The following HS2ST1 variants were observed in gnomAD, a reference collection of about 807,000 sequenced individuals.
HS2ST1 encodes the protein heparan sulfate 2-O-sulfotransferase 1.
HS2ST1 carries 18 observed loss-of-function variants against 42.9 expected under a neutral mutation model. The observed-to-expected ratio is 0.42, with a 90% CI of 0.29 to 0.62. HS2ST1 has a LOEUF of 0.62. Among genes scored for constraint, HS2ST1 ranks in the 20% least tolerant of loss-of-function variants. The pLI is 0.21. For missense variants in HS2ST1, 334 were observed against 433.8 expected (o/e 0.77, Z 2.04); for synonymous variants, 146 against 152.9 (o/e 0.95, Z 0.33).
At chr1:87,019,694 A>G (rs1262698401) in intron 1 of HS2ST1, among the ~76,000 whole-genome samples, 2 of 152,234 alleles carry the variant, frequency 1.3e-5, no homozygotes, top group African/African-American at 4.8e-5. Context: ...CTGTTCAAGT[A>G]CAATAGTGTT....
intron 1 of HS2ST1, among the ~76,000 whole-genome samples, chr1:87,049,973 T>G (rs1650792608): frequency 6.6e-6 from 1 of 152,064 alleles, no homozygotes; most frequent in Non-Finnish European, 1.5e-5. Context: ...TTTTGATAAA[T>G]TGACCCCTTT....
At chr1:87,008,705 TTGAC>T (rs756797167) in intron 1 of HS2ST1, among the ~76,000 whole-genome samples, 1 of 152,220 alleles carries the variant, frequency 6.6e-6, no homozygotes, top group Non-Finnish European at 1.5e-5. Flanking sequence ...CTGTTTGTGT[TTGAC>T]TGGCTCAAGA....
At chr1:87,036,465 G>A (rs1004588970) in intron 1 of HS2ST1, among the ~76,000 whole-genome samples, 1 of 152,116 alleles carries the variant, frequency 6.6e-6, no homozygotes, top group Non-Finnish European at 1.5e-5. Flanking sequence ...TTTGAGATGG[G>A]CTTTGAAGGA....
intron 1 of HS2ST1, among the ~76,000 whole-genome samples, chr1:86,965,333 C>CT: frequency 6.6e-6 from 1 of 152,192 alleles, no homozygotes; most frequent in South Asian, 2.1e-4. Flanking sequence ...TCCCAAAATT[C>CT]TTGAACCTCG....
chr1:87,050,905 A>C (rs1390715343), intron 1 of HS2ST1, among the ~76,000 whole-genome samples: 2 of 152,152 alleles, frequency 1.3e-5, no homozygotes, highest in Admixed American at 6.5e-5. Flanking sequence ...ATATTATACT[A>C]AACAGTCTTG....
chr1:86,934,092 A>G (rs1016954605), intron 1 of HS2ST1, among the ~76,000 whole-genome samples: 3 of 152,020 alleles, frequency 2.0e-5, no homozygotes, highest in African/African-American at 7.2e-5. Context: ...AGCTCCTGCA[A>G]CCTTTACCTC....
At chr1:87,098,150 G>C in intron 5 of HS2ST1, 1 of 1,116,544 alleles carries the variant, frequency 9.0e-7, no homozygotes, top group Non-Finnish European at 1.1e-6. Context: ...ATTGTTTTCT[G>C]AGATGCCGGT....
intron 1 of HS2ST1, among the ~76,000 whole-genome samples, chr1:87,057,108 A>G (rs1009900162): frequency 1.3e-5 from 2 of 152,238 alleles, no homozygotes; most frequent in Non-Finnish European, 1.5e-5. Flanking sequence ...ATTTGCAAAA[A>G]TATGTTACAC....
chr1:86,954,358 A>G (rs960741453), intron 1 of HS2ST1, among the ~76,000 whole-genome samples: 3 of 152,142 alleles, frequency 2.0e-5, no homozygotes, highest in African/African-American at 7.2e-5. Flanking sequence ...CCAAAAAAAA[A>G]GGCAGTATCT....
At chr1:86,994,847 A>G (rs981807371) in intron 1 of HS2ST1, among the ~76,000 whole-genome samples, 17 of 152,172 alleles carry the variant, frequency 1.1e-4, no homozygotes, top group African/African-American at 3.9e-4. Flanking sequence ...TACTTTTGTT[A>G]AATAATGAAG....
At chr1:87,003,213 T>G (rs888952869) in intron 1 of HS2ST1, among the ~76,000 whole-genome samples, 1 of 152,216 alleles carries the variant, frequency 6.6e-6, no homozygotes, top group Non-Finnish European at 1.5e-5. Flanking sequence ...GAACATAAGA[T>G]TAAGTCAAAA....
At chr1:86,996,261 G>C (rs1027138965) in intron 1 of HS2ST1, among the ~76,000 whole-genome samples, 1 of 151,922 alleles carries the variant, frequency 6.6e-6, no homozygotes, top group Non-Finnish European at 1.5e-5. Flanking sequence ...TGATCAACAT[G>C]GAAAAACCCC....
intron 2 of HS2ST1, among the ~76,000 whole-genome samples, chr1:87,075,161 CTTTTTTTTTTTT>C (rs34812948): frequency 2.1e-5 from 1 of 48,596 alleles, no homozygotes; most frequent in South Asian, 7.8e-4. Flanking sequence ...TCTCAGCTAC[CTTTTTTTTTTTT>C]TTTTTTTTTT....
rs560388804 is a variant in HS2ST1 at position 87,064,779 on chromosome 1, G to C, written c.125-8155G>C. ...GGGCTCAGGCAATCTACCCACCTCA[G>C]CTTCCCGAGTAGCTGGGACTACAGG... is the stretch of plus-strand genomic sequence containing the variant. On this transcript the variant is annotated intron_variant, in intron 1 of 6. Coordinates refer to ENST00000370550, the MANE Select transcript of HS2ST1 (RefSeq NM_012262.4). Among the ~76,000 whole-genome samples the C allele has an allele frequency of 5.9e-4, 89 of 152,090 alleles. 1 individual carries two copies. The highest frequency in any genetic ancestry group is 1.2e-3 in the Non-Finnish European group (81 of 68,016).
At position 86,998,787 on chromosome 1, in the gene HS2ST1, A is replaced by G. The variant is rs547813359; in HGVS notation, c.125-74147A>G. On this transcript the variant is annotated intron_variant, in intron 1 of 6. Transcript: ENST00000370550. ...TATTTTTCAACTTTCCCAAAAATTT[A>G]ATATTAAGGCTGATTTATAGAAATT... 2.8e-3 allele frequency among the ~76,000 whole-genome samples: 421 copies of G among 152,330 alleles called. 2 individuals carry two copies. The highest frequency in any genetic ancestry group is 4.0e-3 in the Non-Finnish European group (270 of 68,016).
chr1:87,053,187 T>G (rs1417369816), intron 1 of HS2ST1, among the ~76,000 whole-genome samples: 1 of 152,232 alleles, frequency 6.6e-6, no homozygotes, highest in African/African-American at 2.4e-5. Context: ...CTTATTCTTT[T>G]TACTTACTAG....
chr1:87,108,588 A>G lies in HS2ST1; in HGVS notation c.*3892A>G, dbSNP rs1158193041. The G allele has an allele frequency of 6.6e-6, 1 of 152,112 alleles. No homozygotes were observed. The highest frequency in any genetic ancestry group is 2.4e-5 in the African/African-American group (1 of 41,460). 9.4% of individuals were successfully genotyped at this position (152,112 alleles called of 1,614,324 possible). ...GCAACCCTGTTTCAAATCCACTGCC[A>G]ATTCAGCTCCTCTGGAGTGGAGCTT... is the stretch of plus-strand genomic sequence containing the variant. On this transcript the variant is annotated 3_prime_UTR_variant, in exon 7 of 7. Transcript: ENST00000370550.
At chr1:86,972,783 G>T (rs1483434921) in intron 1 of HS2ST1, among the ~76,000 whole-genome samples, 1 of 152,156 alleles carries the variant, frequency 6.6e-6, no homozygotes, top group Non-Finnish European at 1.5e-5. Flanking sequence ...GTTATTAACT[G>T]CAGGCCTTAT....
At chr1:86,917,231 A>AT (rs1260577457) in intron 1 of HS2ST1, among the ~76,000 whole-genome samples, 1 of 152,132 alleles carries the variant, frequency 6.6e-6, no homozygotes, top group Non-Finnish European at 1.5e-5. Flanking sequence ...ATTTAAAGCC[A>AT]TTTTTGACCA....
Sources: gnomAD v4.1 joint callset for allele counts (sites outside exome capture counted in the v4.1 genomes callset) on GRCh38, gnomAD v4.1.1 for gene constraint, MANE v1.5 for transcripts, NCBI Gene and HGNC (gene_info 2026-07-23, HGNC 2026-07-21) for gene names.